The following CALN1 variants were observed in gnomAD, a reference collection of about 807,000 sequenced individuals.
The protein encoded by CALN1 is calcium-binding protein 8.
A neutral mutation model predicts 30.6 loss-of-function variants in CALN1; 17 were observed. That is an observed-to-expected ratio of 0.56 (90% CI 0.38 to 0.83). The LOEUF is 0.83. CALN1 is among the 40% of genes least tolerant of loss of function. The pLI is 0.00. For synonymous variants in CALN1, 156 were observed against 131.4 expected (o/e 1.19, Z -1.28); for missense variants, 291 against 354.9 (o/e 0.82, Z 1.45).
chr7:71,829,813 A>G (rs1267814134), intron 5 of CALN1, among the ~76,000 whole-genome samples: 1 of 152,236 alleles, frequency 6.6e-6, no homozygotes, highest in Non-Finnish European at 1.5e-5. Flanking sequence ...AAAAACATTC[A>G]TAACCTCACA....
intron 2 of CALN1, among the ~76,000 whole-genome samples, chr7:72,289,184 A>AAAG (rs1411757631): frequency 1.3e-5 from 2 of 152,220 alleles, no homozygotes; most frequent in Non-Finnish European, 2.9e-5. Context: ...CATTCTGGAC[A>AAAG]ATTCTAAGTC....
chr7:72,069,494 C>G (rs560619217), intron 4 of CALN1, among the ~76,000 whole-genome samples: 1 of 148,762 alleles, frequency 6.7e-6, no homozygotes, highest in African/African-American at 2.4e-5. Flanking sequence ...TTTGCCTCTT[C>G]CAGCTTGTGG....
intron 3 of CALN1, among the ~76,000 whole-genome samples, chr7:72,158,043 C>A (rs950564687): frequency 3.3e-5 from 5 of 152,148 alleles, no homozygotes; most frequent in African/African-American, 1.2e-4. Context: ...CTGCGCCCAG[C>A]CCATTTGAAG....
Position 72,242,333 on chromosome 7 carries a change from TTTCC to T in CALN1, c.244+36349_244+36352del, listed in dbSNP as rs1170826289. ...TGCACATATCTGTTTGAGTCCCTGC[TTTCC>T]ATCCTTTGGGGTATAGGCATAAATT... On this transcript the variant is annotated intron_variant, in intron 3 of 6. Coordinates refer to ENST00000395275, the MANE Select transcript of CALN1 (RefSeq NM_031468.4). Among the ~76,000 whole-genome samples, 46 of 152,360 alleles carry T rather than the reference TTTCC, an allele frequency of 3.0e-4. No individual in the cohort carries two copies. The East Asian group carries it at 7.7e-3, about 26-fold the overall frequency.
intron 5 of CALN1, among the ~76,000 whole-genome samples, chr7:71,863,049 T>C (rs544091710): frequency 1.8e-4 from 27 of 151,910 alleles, no homozygotes; most frequent in African/African-American, 6.3e-4. Context: ...TACTTGAGGC[T>C]AGGAGTTTGA....
At chr7:71,812,670 A>T (rs533261924) in intron 5 of CALN1, among the ~76,000 whole-genome samples, 18 of 152,172 alleles carry the variant, frequency 1.2e-4, no homozygotes, top group African/African-American at 4.3e-4. Context: ...GAAAGAAGCA[A>T]TTGTTTCTTT....
At chr7:72,317,025 G>C (rs999534198) in intron 2 of CALN1, among the ~76,000 whole-genome samples, 1 of 144,494 alleles carries the variant, frequency 6.9e-6, no homozygotes, top group African/African-American at 2.6e-5. Flanking sequence ...GGAAGGAAAG[G>C]AGAGGAGGAG....
At chr7:72,042,455 C>T (rs371142314) in intron 4 of CALN1, among the ~76,000 whole-genome samples, 110 of 152,250 alleles carry the variant, frequency 7.2e-4, no homozygotes, top group African/African-American at 2.4e-3. Flanking sequence ...CAACGAGTAG[C>T]GGCAATAGAT....
chr7:72,361,612 A>G (rs1425677564), intron 2 of CALN1, among the ~76,000 whole-genome samples: 1 of 152,236 alleles, frequency 6.6e-6, no homozygotes, highest in Non-Finnish European at 1.5e-5. Context: ...ACTGGACCAA[A>G]TGATACCACG....
intron 2 of CALN1, among the ~76,000 whole-genome samples, chr7:72,344,465 A>G (rs1159092197): frequency 6.6e-6 from 1 of 151,496 alleles, no homozygotes; most frequent in Non-Finnish European, 1.5e-5. Flanking sequence ...AAAACTTTGT[A>G]TATGGGATCC....
chr7:72,476,759 G>A, the CALN1 span, among the ~76,000 whole-genome samples: 4 of 152,166 alleles, frequency 2.6e-5, no homozygotes, highest in Admixed American at 1.3e-4. Context: ...CACCTACCAC[G>A]TGCCAGGCAC....
chr7:72,378,435 A>C (rs1440454188), intron 2 of CALN1, among the ~76,000 whole-genome samples: 3 of 152,172 alleles, frequency 2.0e-5, no homozygotes, highest in African/African-American at 7.2e-5. Context: ...CAGAGTTCCA[A>C]CAAGTTGATT....
rs143043587 is a variant in CALN1, at chr7:72,411,083, CAT to C, written c.-74+973_-74+974del. Among the ~76,000 whole-genome samples, 442 of 152,060 alleles carry C rather than the reference CAT, an allele frequency of 2.9e-3. 2 individuals are homozygous for C. Among genetic ancestry groups the C allele is most frequent in the African/African-American group, 0.01 (430 of 41,456 alleles). ...GACCAACATACAGAATTTAACAGGA[CAT>C]GTGTAGAAACAGAAGATAATGTATG... is the stretch of plus-strand genomic sequence containing the variant. On this transcript the variant is annotated intron_variant, in intron 1 of 6. Transcript: ENST00000395275.
chr7:72,381,055 T>C (rs1205333411), intron 2 of CALN1, among the ~76,000 whole-genome samples: 1 of 152,208 alleles, frequency 6.6e-6, no homozygotes, highest in Non-Finnish European at 1.5e-5. Flanking sequence ...AAAGACTAGA[T>C]GTTTTCCTGA....
At chr7:72,460,755 T>A in the CALN1 span, among the ~76,000 whole-genome samples, 9 of 152,162 alleles carry the variant, frequency 5.9e-5, no homozygotes, top group Non-Finnish European at 1.2e-4. Flanking sequence ...AGGTCTAATT[T>A]CCTGTTGCTC....
chr7:71,831,683 C>G (rs139741604), intron 5 of CALN1, among the ~76,000 whole-genome samples: 2,583 of 151,016 alleles, frequency 0.017, 57 homozygotes, highest in African/African-American at 0.06. Context: ...CTCAGGAGTT[C>G]GAGACCAGTC....
At chr7:72,198,059 TTA>T (rs1326358286) in intron 3 of CALN1, among the ~76,000 whole-genome samples, 1 of 152,188 alleles carries the variant, frequency 6.6e-6, no homozygotes, top group African/African-American at 2.4e-5. Flanking sequence ...CCCTGATATA[TTA>T]AATATAAGAC....
At chr7:71,948,343 A>G (rs17426915) in intron 5 of CALN1, among the ~76,000 whole-genome samples, 23,289 of 152,174 alleles carry the variant, frequency 0.15, 2,205 homozygotes, top group Non-Finnish European at 0.23. Flanking sequence ...TGGGTCTTCC[A>G]AATGCTCAGT....
At position 72,278,683 on chromosome 7, in the gene CALN1, T is replaced by A; in HGVS notation, c.244+3A>T. On this transcript the variant is annotated splice_donor_region_variant and intron_variant, in intron 3 of 6. Coordinates refer to ENST00000395275, the MANE Select transcript of CALN1 (RefSeq NM_031468.4). The stretch of plus-strand genomic sequence containing the variant: ...ATCCCCCCAAACAGGGTAGGCTCCT[T>A]ACCATCGAGCTCCTCCACGGAGATA... 1.9e-6 allele frequency: 3 copies of A among 1,612,130 alleles called. No homozygotes were observed. The highest frequency in any genetic ancestry group is 2.5e-6 in the Non-Finnish European group (3 of 1,178,404).
Sources: allele counts gnomAD v4.1 joint callset (sites outside exome capture counted in the v4.1 genomes callset), GRCh38; gene constraint gnomAD v4.1.1; transcripts MANE v1.5; gene names NCBI Gene and HGNC (gene_info 2026-07-23, HGNC 2026-07-21).